Variants in TYW1B observed in about 807,000 individuals in gnomAD.
TYW1B encodes the protein tRNA-yW synthesizing protein 1 homolog B.
TYW1B carries 73 observed loss-of-function variants against 86.9 expected under a neutral mutation model. The ratio of observed to expected loss-of-function variants is 0.84; its 90% CI spans 0.70 to 1.02. The LOEUF (loss-of-function observed/expected upper bound fraction) is 1.02, where lower values mean the gene tolerates loss of function less well. TYW1B is among the 50% of genes least tolerant of loss of function. The probability of loss-of-function intolerance (pLI) is 0.00; values close to 1 mark genes in which losing one functional copy is unlikely to be tolerated. For missense variants in TYW1B, 637 were observed against 827.4 expected, an observed-to-expected ratio of 0.77 and a Z score of 2.82; for synonymous variants, 248 against 292.8, an observed-to-expected ratio of 0.85 and a Z score of 1.56.
chr7:72,625,919 G>A (rs1319009455), intron 12 of TYW1B, among the ~76,000 whole-genome samples: 3 of 147,036 alleles, frequency 2.0e-5, no homozygotes, highest in Admixed American at 6.8e-5. Context: ...AGAAAGGAAG[G>A]AAATGAAAAA....
chr7:72,654,300 T>C (rs1363668212), intron 11 of TYW1B, among the ~76,000 whole-genome samples: 1 of 152,144 alleles, frequency 6.6e-6, no homozygotes, highest in African/African-American at 2.4e-5. Context: ...CTATTACAGC[T>C]CTCTGGTCTT....
intron 7 of TYW1B, among the ~76,000 whole-genome samples, chr7:72,758,837 T>G (rs370850043): frequency 6.6e-6 from 1 of 152,226 alleles, no homozygotes; most frequent in Non-Finnish European, 1.5e-5. Flanking sequence ...ATCGACATTC[T>G]GTCTGGGAGG....
chr7:72,624,267 T>G lies in TYW1B; in HGVS notation c.1617+4620A>C, dbSNP rs1318701247. On this transcript the variant is annotated intron_variant, in intron 12 of 13. Transcript: ENST00000620995. ...ATTTGTCTTTTGAATTACAAACCAA[T>G]GCATGCTCGTTGTAATAATCCACAC... is the stretch of plus-strand genomic sequence containing the variant. 2.0e-5 allele frequency among the ~76,000 whole-genome samples: 3 copies of G among 152,208 alleles called. No homozygotes were observed. The East Asian group carries it at 5.8e-4, about 29-fold the overall frequency.
intron 12 of TYW1B, among the ~76,000 whole-genome samples, chr7:72,617,646 T>C (rs1812109919): frequency 6.6e-6 from 1 of 152,204 alleles, no homozygotes. Context: ...GGATCACAGG[T>C]GTGAGCCACT....
At chr7:72,638,527 T>A (rs1247052385) in intron 11 of TYW1B, among the ~76,000 whole-genome samples, 1 of 152,058 alleles carries the variant, frequency 6.6e-6, no homozygotes, top group Non-Finnish European at 1.5e-5. Flanking sequence ...AATAAGGATA[T>A]CTACAAAAAA....
intron 6 of TYW1B, 76 bp downstream of exon 6, chr7:72,802,324 C>G: frequency 6.3e-7 from 1 of 1,576,562 alleles, no homozygotes; most frequent in Admixed American, 1.8e-5. Context: ...CTCAGATGGA[C>G]TACACAGTAA....
At chr7:72,779,803 G>C (rs1357582758) in intron 6 of TYW1B, among the ~76,000 whole-genome samples, 3 of 147,664 alleles carry the variant, frequency 2.0e-5, no homozygotes, top group African/African-American at 7.5e-5. Flanking sequence ...TCAGGGACTT[G>C]CTCTGAAATA....
chr7:72,587,505 CT>C (rs1470117878), intron 13 of TYW1B, among the ~76,000 whole-genome samples: 1 of 152,084 alleles, frequency 6.6e-6, no homozygotes, highest in Non-Finnish European at 1.5e-5. Flanking sequence ...TCATTGGGAA[CT>C]GAAGATGTCC....
chr7:72,703,057 C>T (rs1272599668), intron 10 of TYW1B, among the ~76,000 whole-genome samples: 5 of 137,846 alleles, frequency 3.6e-5, no homozygotes, highest in African/African-American at 1.4e-4. Flanking sequence ...TGGAGTCTCG[C>T]TCTTTCTCCC....
chr7:72,584,356 T>TTTTG (rs1394605126), intron 13 of TYW1B, among the ~76,000 whole-genome samples: 6 of 152,292 alleles, frequency 3.9e-5, no homozygotes, highest in Non-Finnish European at 7.3e-5. Flanking sequence ...GAGCATTGTT[T>TTTTG]TTTGTTTGTT....
intron 7 of TYW1B, among the ~76,000 whole-genome samples, chr7:72,755,593 G>A (rs1301066420): frequency 6.6e-6 from 1 of 152,170 alleles, no homozygotes; most frequent in Non-Finnish European, 1.5e-5. Context: ...AAGCCTGGGA[G>A]GCTGAGGCTG....
At chr7:72,713,583 G>T (rs781835474) in intron 10 of TYW1B, 38 bp downstream of exon 10, 70 of 1,536,368 alleles carry the variant, frequency 4.6e-5, no homozygotes, top group Non-Finnish European at 6.0e-5. Flanking sequence ...GTGAAACATA[G>T]ATTCAAGCAG....
intron 11 of TYW1B, among the ~76,000 whole-genome samples, chr7:72,645,187 A>G (rs1812898772): frequency 6.6e-6 from 1 of 152,174 alleles, no homozygotes; most frequent in Non-Finnish European, 1.5e-5. Context: ...TAAACTGACT[A>G]CATTGAAATT....
At position 72,632,295 on chromosome 7, in the gene TYW1B, ATATACGTG is replaced by A. The variant is rs1388176926; in HGVS notation, c.1507-3306_1507-3299del. 4.4e-3 allele frequency among the ~76,000 whole-genome samples: 399 copies of A among 90,238 alleles called. 9 individuals carry two copies. The highest frequency in any genetic ancestry group is 0.019 in the African/African-American group (328 of 17,318). 59.2% of individuals were successfully genotyped at this position (90,238 alleles called of 152,430 possible). A position where few individuals can be genotyped will look rare whatever the true frequency, so the allele number is the denominator to read the frequency against. On this transcript the variant is annotated intron_variant, in intron 11 of 13. Transcript: ENST00000620995. The stretch of plus-strand genomic sequence containing the variant: ...TATATATATATACGTGTATATATAT[ATATACGTG>A]TATATATATTATATATATTATATAT...
intron 8 of TYW1B, among the ~76,000 whole-genome samples, chr7:72,737,198 T>C (rs1189060129): frequency 1.3e-5 from 2 of 152,240 alleles, no homozygotes; most frequent in Non-Finnish European, 2.9e-5. Context: ...AAAGCATTTA[T>C]GTAACATTTA....
intron 13 of TYW1B, among the ~76,000 whole-genome samples, chr7:72,604,621 T>A (rs1398777159): frequency 1.3e-5 from 2 of 152,154 alleles, no homozygotes; most frequent in African/African-American, 4.8e-5. Context: ...AATTTCAGTG[T>A]TTCTGCACTA....
intron 11 of TYW1B, among the ~76,000 whole-genome samples, chr7:72,636,573 T>C (rs1407609981): frequency 1.3e-5 from 2 of 152,242 alleles, no homozygotes; most frequent in African/African-American, 4.8e-5. Context: ...TAAATATCTT[T>C]ATCAGATTAG....
At chr7:72,804,190 C>T (rs1365751077) in intron 5 of TYW1B, among the ~76,000 whole-genome samples, 2 of 149,662 alleles carry the variant, frequency 1.3e-5, no homozygotes, top group African/African-American at 4.9e-5. Context: ...AAGGCTGAGA[C>T]AGGAGAATTG....
chr7:72,748,330 C>T (rs1259511762), intron 7 of TYW1B, among the ~76,000 whole-genome samples: 1 of 152,092 alleles, frequency 6.6e-6, no homozygotes, highest in Admixed American at 6.6e-5. Context: ...TGTGACCTTG[C>T]TGAACTCAGG....
Sources: allele counts gnomAD v4.1 joint callset (sites outside exome capture counted in the v4.1 genomes callset), GRCh38; gene constraint gnomAD v4.1.1; transcripts MANE v1.5; gene names NCBI Gene and HGNC (gene_info 2026-07-23, HGNC 2026-07-21).